The following ABL2 variants were observed in gnomAD, a reference collection of about 807,000 sequenced individuals.
The protein encoded by ABL2 is tyrosine-protein kinase ABL2.
Under a neutral mutation model 107.7 loss-of-function variants are expected in ABL2, and 49 were observed. The ratio of observed to expected loss-of-function variants is 0.45; its 90% CI spans 0.36 to 0.58. The LOEUF is 0.58. Among genes scored for constraint, ABL2 ranks in the 20% least tolerant of loss-of-function variants. The pLI, the probability that ABL2 is intolerant of heterozygous loss-of-function variation, is 0.00. For synonymous variants in ABL2, 549 were observed against 548.6 expected, an observed-to-expected ratio of 1.00 and a Z score of -0.01; for missense variants, 1,245 against 1,457.0, an observed-to-expected ratio of 0.85 and a Z score of 2.37.
chr1:179,210,250 A>C (rs1215589739), intron 1 of ABL2, among the ~76,000 whole-genome samples: 1 of 152,200 alleles, frequency 6.6e-6, no homozygotes, highest in Admixed American at 6.5e-5. Flanking sequence ...TCATGCCTAT[A>C]ATCCCAGCAC....
In ABL2 at chr1:179,100,075, T is replaced by A. The variant is rs1355643380; in HGVS notation, c.*7643A>T. On this transcript the variant is annotated 3_prime_UTR_variant, in exon 12 of 12. Coordinates refer to ENST00000502732, the MANE Select transcript of ABL2 (RefSeq NM_007314.4). Reference sequence around the variant, plus strand: ...TATACAGATCTGAGATGAGAGGGTTTTCAAACATATGCCCTAAAGAACCAT... The same window carrying A: ...TATACAGATCTGAGATGAGAGGGTTATCAAACATATGCCCTAAAGAACCAT... 1 of 232,170 alleles carries A rather than the reference T, an allele frequency of 4.3e-6. No individual in the cohort carries two copies. The highest frequency in any genetic ancestry group is 2.2e-5 in the African/African-American group (1 of 45,298). The allele number at this position is 232,170 out of a possible 1,614,324, so 14.4% of individuals were successfully genotyped here.
At chr1:179,220,033 C>A (rs1316251635) in intron 1 of ABL2, among the ~76,000 whole-genome samples, 1 of 152,190 alleles carries the variant, frequency 6.6e-6, no homozygotes, top group African/African-American at 2.4e-5. Flanking sequence ...AAACCATGTA[C>A]CAATGTCAGA....
At chr1:179,183,488 T>C (rs1326354666) in intron 1 of ABL2, among the ~76,000 whole-genome samples, 1 of 152,160 alleles carries the variant, frequency 6.6e-6, no homozygotes, top group Non-Finnish European at 1.5e-5. Flanking sequence ...AGAGTGCATC[T>C]TTCTATGTAT....
intron 1 of ABL2, among the ~76,000 whole-genome samples, chr1:179,135,629 G>A (rs1436366175): frequency 4.0e-5 from 6 of 150,638 alleles, no homozygotes; most frequent in East Asian, 2.0e-4. Flanking sequence ...CCGGCCAGCC[G>A]CCCCATCCGG....
At chr1:179,153,737 C>A (rs1658509990) in intron 1 of ABL2, among the ~76,000 whole-genome samples, 1 of 152,116 alleles carries the variant, frequency 6.6e-6, no homozygotes, top group East Asian at 1.9e-4. Context: ...GGGATTAGGA[C>A]ATGGATATCT....
intron 1 of ABL2, among the ~76,000 whole-genome samples, chr1:179,222,757 C>A (rs767044633): frequency 3.3e-5 from 5 of 151,790 alleles, no homozygotes; most frequent in African/African-American, 4.8e-5. Flanking sequence ...CATGTCAGAT[C>A]CTTTAAAGAT....
In ABL2 at chr1:179,178,401, CA is replaced by C. The variant is rs572438530; in HGVS notation, c.158-45028del. ...TGGGTGACAGAGCAAGACTCTGCCT[CA>C]AAAAAAAAAAAAAAAAAATTATTTG... On this transcript the variant is annotated intron_variant, in intron 1 of 11. Transcript: ENST00000502732. 3.0e-3 allele frequency among the ~76,000 whole-genome samples: 205 copies of C among 68,638 alleles called. 1 individual carries two copies. Among genetic ancestry groups the C allele is most frequent in the Admixed American group, 3.4e-3 (17 of 4,980 alleles). The allele number at this position is 68,638 out of a possible 152,430, so 45.0% of individuals were successfully genotyped here.
At chr1:179,151,241 A>C (rs1658344259) in intron 1 of ABL2, among the ~76,000 whole-genome samples, 1 of 152,194 alleles carries the variant, frequency 6.6e-6, no homozygotes, top group Non-Finnish European at 1.5e-5. Flanking sequence ...ATTCACAAAA[A>C]ATCAAGATGG....
chr1:179,229,121 C>A (rs1663393561), intron 1 of ABL2, 120 bp downstream of exon 1: 1 of 1,258,616 alleles, frequency 7.9e-7, no homozygotes, highest in Non-Finnish European at 1.1e-6. Flanking sequence ...CGGATTCCGC[C>A]CCCACTCTCA....
intron 1 of ABL2, among the ~76,000 whole-genome samples, chr1:179,186,015 C>T (rs958985147): frequency 1.3e-5 from 2 of 151,928 alleles, no homozygotes; most frequent in Admixed American, 6.6e-5. Flanking sequence ...GAGGCCCGGG[C>T]GGGGAGATCA....
chr1:179,226,223 C>G (rs1389203361), intron 1 of ABL2, among the ~76,000 whole-genome samples: 1 of 151,664 alleles, frequency 6.6e-6, no homozygotes, highest in Non-Finnish European at 1.5e-5. Flanking sequence ...TTTCAATCAG[C>G]TTCTAACTTC....
intron 9 of ABL2, among the ~76,000 whole-genome samples, chr1:179,113,377 A>G (rs757184730): frequency 2.0e-5 from 3 of 152,236 alleles, no homozygotes; most frequent in Non-Finnish European, 4.4e-5. Context: ...CTAACCATAT[A>G]ATCAACTGTA....
intron 1 of ABL2, among the ~76,000 whole-genome samples, chr1:179,171,881 A>G (rs979247878): frequency 2.6e-5 from 4 of 152,230 alleles, no homozygotes; most frequent in Non-Finnish European, 4.4e-5. Context: ...TTTTTGAAAA[A>G]GAATAAAATC....
chr1:179,133,004 G>A lies in ABL2; in HGVS notation c.220+308C>T, dbSNP rs553065419. ...CTCCCGAGTAGGTGGGATTACAGGT[G>A]CACGCCACCAAGCCCAGCTAAATTT... On this transcript the variant is annotated intron_variant, in intron 2 of 11. Transcript: ENST00000502732. Among the ~76,000 whole-genome samples the A allele has an allele frequency of 3.9e-5, 6 of 151,928 alleles. No individual in the cohort carries two copies. The South Asian group carries it at 1.2e-3, about 32-fold the overall frequency.
intron 1 of ABL2, among the ~76,000 whole-genome samples, chr1:179,186,292 A>AGTAAT (rs1248525305): frequency 2.0e-5 from 3 of 152,110 alleles, no homozygotes; most frequent in South Asian, 2.1e-4. Context: ...CTACTTAATG[A>AGTAAT]GTAATGTATA....
In ABL2 at chr1:179,117,471, T is replaced by A; in HGVS notation, c.1269A>T (p.Val423=). Residue 423 remains valine, a synonymous_variant, in exon 8 of 12, where the codon GTA becomes GTT. Transcript: ENST00000502732. ...TACTTAAGCCAAAGTCAGCCACTTTTACCACATGGTTTTCTCCCACTAGGC... is the reference window on the plus strand; with the variant it reads ...TACTTAAGCCAAAGTCAGCCACTTTAACCACATGGTTTTCTCCCACTAGGC... ...RNCLVGENHV[V]KVADFGLSRL... is the part of the protein sequence containing the mutation. The A allele has an allele frequency of 6.2e-7, 1 of 1,614,178 alleles. No individual in the cohort carries two copies. The highest frequency in any genetic ancestry group is 8.5e-7 in the Non-Finnish European group (1 of 1,180,038).
chr1:179,155,214 A>T (rs181894304), intron 1 of ABL2, among the ~76,000 whole-genome samples: 1 of 152,344 alleles, frequency 6.6e-6, no homozygotes, highest in Non-Finnish European at 1.5e-5. Flanking sequence ...CTTTGAAAAC[A>T]GCCAGGCCCC....
rs28991586 is a variant in ABL2, at chr1:179,229,165, C to G, written c.157+76G>C. The G allele has an allele frequency of 1.1e-3, 696 of 634,510 alleles. 10 individuals are homozygous for G. In the African/African-American group the frequency reaches 0.013, roughly 12 times the overall value. The allele number at this position is 634,510 out of a possible 1,614,324, so 39.3% of individuals were successfully genotyped here. A position where few individuals can be genotyped will look rare whatever the true frequency, so the allele number is the denominator to read the frequency against. The stretch of plus-strand genomic sequence containing the variant: ...CCACCCTCCGACCCCTCGGGCAGCC[C>G]GTCCGCCACCCACCCCGCCCCGACC... On this transcript the variant is annotated intron_variant, in intron 1 of 11. Coordinates refer to ENST00000502732, the MANE Select transcript of ABL2 (RefSeq NM_007314.4).
intron 1 of ABL2, among the ~76,000 whole-genome samples, chr1:179,143,930 T>C (rs1206002123): frequency 6.6e-6 from 1 of 151,594 alleles, no homozygotes; most frequent in Non-Finnish European, 1.5e-5. Flanking sequence ...ACTCCTGACC[T>C]CGTGATCCAC....
Sources: gnomAD v4.1 joint callset for allele counts (sites outside exome capture counted in the v4.1 genomes callset) on GRCh38, gnomAD v4.1.1 for gene constraint, MANE v1.5 for transcripts, NCBI Gene and HGNC (gene_info 2026-07-23, HGNC 2026-07-21) for gene names.